Variants in CCDC30 observed in about 807,000 individuals in gnomAD.
CCDC30 encodes coiled-coil domain-containing protein 30.
A neutral mutation model predicts 100.2 loss-of-function variants in CCDC30; 70 were observed. The ratio of observed to expected loss-of-function variants is 0.70; its 90% CI spans 0.58 to 0.85. The LOEUF (loss-of-function observed/expected upper bound fraction) is 0.85. Among genes scored for constraint, CCDC30 ranks in the 40% least tolerant of loss-of-function variants. The pLI, the probability that CCDC30 is intolerant of heterozygous loss-of-function variation, is 0.00. For synonymous variants in CCDC30, 233 were observed against 269.5 expected, an observed-to-expected ratio of 0.86 and a Z score of 1.33; for missense variants, 652 against 771.2, an observed-to-expected ratio of 0.85 and a Z score of 1.83.
At chr1:42,491,879 G>A (rs964382146) in intron 4 of CCDC30, 6 of 420,382 alleles carry the variant, frequency 1.4e-5, no homozygotes, top group African/African-American at 6.2e-5. Context: ...TTGGAGAGAC[G>A]CTAGTCACCA....
intron 1 of CCDC30, among the ~76,000 whole-genome samples, chr1:42,465,526 T>C (rs1643547268): frequency 6.6e-6 from 1 of 151,966 alleles, no homozygotes; most frequent in Non-Finnish European, 1.5e-5. Flanking sequence ...CACCACACCC[T>C]GCTAATTTTG....
the CCDC30 span, chr1:42,457,384 C>G: frequency 6.4e-7 from 1 of 1,566,244 alleles, no homozygotes; most frequent in Non-Finnish European, 8.8e-7. Context: ...GATCTAATCC[C>G]ATATAACCAA....
At chr1:42,518,155 A>G (rs745651719) in intron 6 of CCDC30, among the ~76,000 whole-genome samples, 4 of 152,100 alleles carry the variant, frequency 2.6e-5, no homozygotes, top group Non-Finnish European at 4.4e-5. Flanking sequence ...AATGTTTTCT[A>G]TCTTTTATTG....
At chr1:42,540,539 TATC>T (rs1196234786) in intron 6 of CCDC30, among the ~76,000 whole-genome samples, 1 of 152,148 alleles carries the variant, frequency 6.6e-6, no homozygotes, top group African/African-American at 2.4e-5. Flanking sequence ...GTTGAAATAA[TATC>T]AGACTCACAG....
At chr1:42,651,723 A>G (rs1648369071) in intron 15 of CCDC30, among the ~76,000 whole-genome samples, 1 of 151,954 alleles carries the variant, frequency 6.6e-6, no homozygotes, top group Admixed American at 6.6e-5. Flanking sequence ...TTTTTGTTTT[A>G]ATTAGTTGGG....
At chr1:42,543,966 C>T (rs1210484554) in intron 6 of CCDC30, among the ~76,000 whole-genome samples, 1 of 152,206 alleles carries the variant, frequency 6.6e-6, no homozygotes, top group Non-Finnish European at 1.5e-5. Flanking sequence ...CAGACAGGCT[C>T]AGGATATGAA....
At chr1:42,504,767 T>C (rs1252321750) in intron 6 of CCDC30, among the ~76,000 whole-genome samples, 1 of 152,232 alleles carries the variant, frequency 6.6e-6, no homozygotes, top group Admixed American at 6.5e-5. Flanking sequence ...GTTTAAACTT[T>C]CTGACTTTTC....
chr1:42,558,937 T>C (rs1400084505), intron 6 of CCDC30, among the ~76,000 whole-genome samples: 2 of 152,168 alleles, frequency 1.3e-5, no homozygotes, highest in South Asian at 2.1e-4. Context: ...AGTTTAACAG[T>C]GGACCTCTCA....
At chr1:42,563,394 G>A (rs910824308) in intron 6 of CCDC30, among the ~76,000 whole-genome samples, 1 of 152,054 alleles carries the variant, frequency 6.6e-6, no homozygotes, top group African/African-American at 2.4e-5. Context: ...CTCATAAGTG[G>A]GAGTTGAACA....
intron 3 of CCDC30, 179 bp from the exon 4 acceptor site, chr1:42,489,979 G>T (rs1043668653): frequency 3.2e-6 from 1 of 310,746 alleles, no homozygotes; most frequent in Non-Finnish European, 5.9e-6. Context: ...AATATAGGGT[G>T]CAGTAGGAAC....
chr1:42,505,799 T>G (rs1246873692), intron 6 of CCDC30, among the ~76,000 whole-genome samples: 1 of 152,208 alleles, frequency 6.6e-6, no homozygotes, highest in Non-Finnish European at 1.5e-5. Flanking sequence ...CATTTTTTAC[T>G]GACCATAGGT....
intron 6 of CCDC30, among the ~76,000 whole-genome samples, chr1:42,527,669 A>T (rs1235727781): frequency 6.6e-6 from 1 of 152,222 alleles, no homozygotes; most frequent in African/African-American, 2.4e-5. Context: ...CAAACAAAAC[A>T]TAAAGAAAAG....
chr1:42,593,460 C>T (rs1453170578), intron 10 of CCDC30: 1 of 152,184 alleles, frequency 6.6e-6, no homozygotes, highest in African/African-American at 2.4e-5. Context: ...CTCCCTAAAC[C>T]CTGTCCTTTT....
chr1:42,612,689 C>T (rs1345054063), intron 11 of CCDC30, among the ~76,000 whole-genome samples: 2 of 152,166 alleles, frequency 1.3e-5, no homozygotes, highest in Admixed American at 6.5e-5. Context: ...CTGGTACAAA[C>T]TGCCATGAAA....
chr1:42,570,163 A>G (rs1271947680), intron 7 of CCDC30, among the ~76,000 whole-genome samples: 7 of 152,106 alleles, frequency 4.6e-5, no homozygotes, highest in Admixed American at 1.3e-4. Context: ...AAAATTTAAA[A>G]ATAAATAAAA....
In CCDC30 at chr1:42,495,799, G is replaced by A. The variant is rs550080085; in HGVS notation, c.242-1299G>A. On this transcript the variant is annotated intron_variant, in intron 4 of 16. Coordinates refer to ENST00000668663, the Ensembl canonical transcript of CCDC30. ...AATTCTAATAAGAGGAATTATTTAA[G>A]GAATAAATAATACTAAATTTACATA... Among the ~76,000 whole-genome samples, 61 of 152,218 alleles carry A rather than the reference G, an allele frequency of 4.0e-4. 1 individual carries two copies. Among genetic ancestry groups the A allele is most frequent in the Non-Finnish European group, 4.6e-4 (31 of 68,014 alleles).
At chr1:42,462,051 A>G (rs773959711), upstream of CCDC30, among the ~76,000 whole-genome samples, 1 of 152,184 alleles carries the variant, frequency 6.6e-6, no homozygotes, top group Non-Finnish European at 1.5e-5. Context: ...AAGTGATCTT[A>G]ATGTTTGTCT....
chr1:42,496,316 T>A lies in CCDC30; in HGVS notation c.242-782T>A, dbSNP rs373117841. On this transcript the variant is annotated intron_variant, in intron 4 of 16. Transcript: ENST00000668663. ...TGTCTTAGCTCCTTCTAGCCCCATG[T>A]CTTCCCAGCTACTAAAGAGATAATA... Among the ~76,000 whole-genome samples the A allele has an allele frequency of 1.1e-4, 17 of 152,288 alleles. No individual in the cohort carries two copies. The East Asian group carries it at 3.3e-3, about 29-fold the overall frequency.
chr1:42,604,854 G>C (rs1167258672), intron 10 of CCDC30, among the ~76,000 whole-genome samples: 1 of 152,180 alleles, frequency 6.6e-6, no homozygotes, highest in Non-Finnish European at 1.5e-5. Flanking sequence ...CCCAGGCCTA[G>C]GGATTGAACA....
Sources: allele counts gnomAD v4.1 joint callset (sites outside exome capture counted in the v4.1 genomes callset), GRCh38; gene constraint gnomAD v4.1.1; transcripts MANE v1.5; gene names NCBI Gene and HGNC (gene_info 2026-07-23, HGNC 2026-07-21).